The following RPS24 variants were observed in gnomAD, a reference collection of about 807,000 sequenced individuals.
The protein encoded by RPS24 is ribosomal protein S24.
For synonymous variants in RPS24, 72 were observed against 55.6 expected (o/e 1.30, Z -1.31); for missense variants, 100 against 162.5 (o/e 0.62, Z 2.09).
In RPS24 at chr10:78,046,346, CT is replaced by C. The variant is rs57003851; in HGVS notation, c.391-8166del. ...GTCTTGCACAAATTATCTCATTTAC[CT>C]TTTTTTTTTTTTTTTTTTGAGAATG... is the stretch of plus-strand genomic sequence containing the variant. On this transcript the variant is annotated intron_variant, in intron 4 of 4. Transcript: ENST00000440692. Among the ~76,000 whole-genome samples, 588 of 126,128 alleles carry C rather than the reference CT, an allele frequency of 4.7e-3. 2 individuals carry two copies. The highest frequency in any genetic ancestry group is 0.013 in the African/African-American group (396 of 29,388). 82.7% of individuals were successfully genotyped at this position (126,128 alleles called of 152,430 possible).
chr10:78,037,308 T>C lies in RPS24; in HGVS notation c.390+4T>C, dbSNP rs764283144. The C allele has an allele frequency of 3.1e-5, 49 of 1,592,210 alleles. No individual in the cohort carries two copies. Among genetic ancestry groups the C allele is most frequent in the South Asian group, 2.1e-4 (18 of 87,602 alleles). On this transcript the variant is annotated splice_donor_region_variant and intron_variant, in intron 4 of 5. Transcript: ENST00000372360. Reference sequence around the variant, plus strand: ...CAATGTTGGTGCTGGCAAAAAGGTATAGTTCATTAAGGAAAATATAGAAAC... The same window carrying C: ...CAATGTTGGTGCTGGCAAAAAGGTACAGTTCATTAAGGAAAATATAGAAAC...
chr10:78,035,346 T>A lies in RPS24; in HGVS notation c.4-6T>A. ...GTTTTATTAACCAGAGTGTTTATGT[T>A]TTCAGAACGACACCGTAACTATCCG... On this transcript the variant is annotated splice_polypyrimidine_tract_variant and splice_region_variant and intron_variant, in intron 1 of 5. Coordinates refer to ENST00000372360, the MANE Select transcript of RPS24 (RefSeq NM_033022.4). 2 of 1,613,748 alleles carry A rather than the reference T, an allele frequency of 1.2e-6. No homozygotes were observed. Among genetic ancestry groups the A allele is most frequent in the Non-Finnish European group, 1.7e-6 (2 of 1,179,684 alleles).
At chr10:78,050,057 G>A (rs1377270717) in intron 4 of RPS24, among the ~76,000 whole-genome samples, 1 of 152,134 alleles carries the variant, frequency 6.6e-6, no homozygotes, top group Non-Finnish European at 1.5e-5. Flanking sequence ...AAAGGTAGGC[G>A]GTGCTGGCAG....
intron 4 of RPS24, among the ~76,000 whole-genome samples, chr10:78,046,807 G>T (rs1024704575): frequency 2.1e-4 from 32 of 152,340 alleles, no homozygotes; most frequent in Admixed American, 1.4e-3. Flanking sequence ...TTGCCAAGGA[G>T]CTAGAAATGG....
Position 78,035,125 on chromosome 10 carries a change from G to A in RPS24, c.4-227G>A, listed in dbSNP as rs114106045. Among the ~76,000 whole-genome samples, 204 of 152,338 alleles carry A rather than the reference G, an allele frequency of 1.3e-3. 1 individual carries two copies. Among genetic ancestry groups the A allele is most frequent in the African/African-American group, 4.6e-3 (192 of 41,572 alleles). On this transcript the variant is annotated intron_variant, in intron 1 of 5. Coordinates refer to ENST00000372360, the MANE Select transcript of RPS24 (RefSeq NM_033022.4). ...CCAGAGATACACATAACCTAGTGAA[G>A]TAAGTTGTACAGATTCATGTGTAAA...
chr10:78,047,794 C>T (rs1163557547), intron 4 of RPS24, among the ~76,000 whole-genome samples: 3 of 152,304 alleles, frequency 2.0e-5, no homozygotes, highest in South Asian at 2.1e-4. Context: ...AGGTGGGGGC[C>T]GAAGGCTGGG....
At chr10:78,050,135 C>T (rs1237344413) in intron 4 of RPS24, among the ~76,000 whole-genome samples, 2 of 142,236 alleles carry the variant, frequency 1.4e-5, no homozygotes, top group African/African-American at 5.4e-5. Flanking sequence ...CCTCCTTCCT[C>T]CTTCCCCCTC....
intron 1 of RPS24, 153 bp downstream of exon 1, chr10:78,034,057 T>C: frequency 1.0e-6 from 1 of 960,196 alleles, no homozygotes; most frequent in Non-Finnish European, 1.7e-6. Flanking sequence ...CTCGGGGCTG[T>C]TGGCAGGGCG....
intron 4 of RPS24, chr10:78,039,335 A>G (rs1564630021): frequency 1.3e-5 from 2 of 152,180 alleles, no homozygotes; most frequent in South Asian, 2.1e-4. Flanking sequence ...TTTGAGCCCT[A>G]TGAGTTAGTG....
At chr10:78,048,610 G>A (rs552248861) in intron 4 of RPS24, among the ~76,000 whole-genome samples, 11 of 151,708 alleles carry the variant, frequency 7.3e-5, no homozygotes, top group Admixed American at 2.6e-4. Flanking sequence ...AGCCGCGTGC[G>A]GTGGCTCACG....
intron 4 of RPS24, among the ~76,000 whole-genome samples, chr10:78,051,922 T>A (rs1213509865): frequency 6.6e-6 from 1 of 152,226 alleles, no homozygotes; most frequent in African/African-American, 2.4e-5. Flanking sequence ...GTCTTTTTAT[T>A]GTGTTGTGTT....
intron 4 of RPS24, chr10:78,037,565 G>A (rs1016081424): frequency 1.3e-5 from 6 of 478,022 alleles, no homozygotes; most frequent in African/African-American, 5.9e-5. Context: ...CCCAGCTGGT[G>A]GGCACCTTTC....
chr10:78,045,465 C>G (rs1429482725), downstream of RPS24, among the ~76,000 whole-genome samples: 1 of 152,000 alleles, frequency 6.6e-6, no homozygotes, highest in African/African-American at 2.4e-5. Context: ...AATTCCGAAA[C>G]CTGGCAGGTG....
At chr10:78,037,969 G>T in intron 4 of RPS24, 1 of 1,071,912 alleles carries the variant, frequency 9.3e-7, no homozygotes, top group Non-Finnish European at 1.2e-6. Context: ...CATCAGAAAT[G>T]AAGTGTCTAG....
downstream of RPS24, among the ~76,000 whole-genome samples, chr10:78,045,501 A>C (rs1203440520): frequency 1.3e-5 from 2 of 151,222 alleles, no homozygotes; most frequent in Admixed American, 6.6e-5. Context: ...TCTTTTTGTG[A>C]GATGGAGTGT....
chr10:78,054,738 G>A (rs1362795672), exon 5 of RPS24: 2 of 1,551,720 alleles, frequency 1.3e-6, no homozygotes, highest in Non-Finnish European at 1.7e-6. Context: ...GAGGAAGACT[G>A]AAAACAGAGA....
chr10:78,045,617 A>G (rs558015780), downstream of RPS24, among the ~76,000 whole-genome samples: 2 of 151,752 alleles, frequency 1.3e-5, no homozygotes, highest in Non-Finnish European at 2.9e-5. Context: ...GAGTAGCTGG[A>G]ACTACAGGCG....
At chr10:78,038,322 A>G (rs1017531113) in intron 4 of RPS24, 1 of 168,696 alleles carries the variant, frequency 5.9e-6, no homozygotes, top group African/African-American at 2.4e-5. Context: ...GTGTCCACAT[A>G]CTTAGGAAAT....
chr10:78,051,652 G>C (rs1848099899), intron 4 of RPS24, among the ~76,000 whole-genome samples: 1 of 152,220 alleles, frequency 6.6e-6, no homozygotes, highest in East Asian at 1.9e-4. Flanking sequence ...GTTTTCCACA[G>C]AGGCAGCACC....
Sources: allele counts gnomAD v4.1 joint callset (sites outside exome capture counted in the v4.1 genomes callset), GRCh38; gene constraint gnomAD v4.1.1; transcripts MANE v1.5; gene names NCBI Gene and HGNC (gene_info 2026-07-23, HGNC 2026-07-21).